The following ADAM12 variants were observed in gnomAD, a reference collection of about 807,000 sequenced individuals.
The protein encoded by ADAM12 is disintegrin and metalloproteinase domain-containing protein 12.
Under a neutral mutation model 106.4 loss-of-function variants are expected in ADAM12, and 70 were observed. The observed-to-expected ratio is 0.66, with a 90% confidence interval of 0.54 to 0.80. The LOEUF (loss-of-function observed/expected upper bound fraction) is 0.80, where lower values mean the gene tolerates loss of function less well. Ranked by LOEUF, ADAM12 falls within the 30% of genes least tolerant of loss-of-function variation. The probability of loss-of-function intolerance (pLI) is 0.00; values close to 1 mark genes in which losing one functional copy is unlikely to be tolerated. For synonymous variants in ADAM12, 420 were observed against 433.5 expected (o/e 0.97, Z 0.39); for missense variants, 1,010 against 1,171.9 (o/e 0.86, Z 2.02).
intron 4 of ADAM12, among the ~76,000 whole-genome samples, chr10:126,149,395 T>C (rs1182613004): frequency 6.6e-6 from 1 of 152,236 alleles, no homozygotes; most frequent in Non-Finnish European, 1.5e-5. Context: ...TTCTTGCTTA[T>C]TGCATTTTTC....
intron 5 of ADAM12, among the ~76,000 whole-genome samples, chr10:126,131,505 C>G (rs953194753): frequency 1.3e-5 from 2 of 152,102 alleles, no homozygotes; most frequent in Admixed American, 1.3e-4. Flanking sequence ...GTGATGGTAT[C>G]GGGAGATGGG....
intron 14 of ADAM12, among the ~76,000 whole-genome samples, chr10:126,060,185 A>C (rs1954722432): frequency 6.6e-6 from 1 of 152,276 alleles, no homozygotes; most frequent in African/African-American, 2.4e-5. Flanking sequence ...TTGCTTTGCC[A>C]GTTAGAAGTT....
At chr10:126,322,399 G>C (rs1446534829) in intron 2 of ADAM12, among the ~76,000 whole-genome samples, 1 of 152,178 alleles carries the variant, frequency 6.6e-6, no homozygotes, top group Admixed American at 6.5e-5. Flanking sequence ...ACCGTGCAGT[G>C]GTTCTCAACC....
chr10:126,224,542 G>C (rs1232666806), intron 3 of ADAM12, among the ~76,000 whole-genome samples: 4 of 152,056 alleles, frequency 2.6e-5, no homozygotes, highest in Non-Finnish European at 5.9e-5. Context: ...CTCTTGGGGA[G>C]GGGCCTGGGG....
intron 3 of ADAM12, among the ~76,000 whole-genome samples, chr10:126,256,475 C>A (rs1958894595): frequency 6.6e-6 from 1 of 152,158 alleles, no homozygotes; most frequent in Non-Finnish European, 1.5e-5. Flanking sequence ...CCCTTCATTC[C>A]CTCTGCATTG....
intron 1 of ADAM12, among the ~76,000 whole-genome samples, chr10:126,375,429 TA>T (rs1301762388): frequency 6.6e-6 from 1 of 151,884 alleles, no homozygotes; most frequent in Non-Finnish European, 1.5e-5. Context: ...TAGACAATAA[TA>T]AAAAAACAGG....
chr10:126,362,974 G>A (rs1340457592), intron 1 of ADAM12, among the ~76,000 whole-genome samples: 2 of 152,104 alleles, frequency 1.3e-5, no homozygotes, highest in Admixed American at 1.3e-4. Flanking sequence ...CATATTTGAG[G>A]TGATGGATAT....
intron 9 of ADAM12, among the ~76,000 whole-genome samples, chr10:126,099,388 C>G (rs1425965830): frequency 6.6e-6 from 1 of 150,612 alleles, no homozygotes; most frequent in Non-Finnish European, 1.5e-5. Flanking sequence ...CTCCCTCCCT[C>G]TCTCCCTCCC....
At chr10:126,301,026 A>C (rs1292156316) in intron 2 of ADAM12, among the ~76,000 whole-genome samples, 2 of 152,206 alleles carry the variant, frequency 1.3e-5, no homozygotes, top group African/African-American at 4.8e-5. Flanking sequence ...CCCCCCAGGG[A>C]ACATGTGGCA....
At position 126,367,086 on chromosome 10, in the gene ADAM12, G is replaced by A. The variant is rs753029899; in HGVS notation, c.88+20972C>T. On this transcript the variant is annotated intron_variant, in intron 1 of 22. Transcript: ENST00000448723. ...CATCAACTAACTATGCTATTTACGG[G>A]ACATTACCCTATCCAACAACAGCAG... Among the ~76,000 whole-genome samples the A allele has an allele frequency of 4.6e-4, 70 of 151,922 alleles. 1 individual carries two copies. The highest frequency in any genetic ancestry group is 9.3e-4 in the Non-Finnish European group (63 of 67,904).
chr10:126,139,830 C>T (rs1288805578), intron 4 of ADAM12, among the ~76,000 whole-genome samples: 1 of 152,206 alleles, frequency 6.6e-6, no homozygotes, highest in Non-Finnish European at 1.5e-5. Flanking sequence ...GCAAACCTCG[C>T]TGCCAGGTCA....
rs1002148136 is a variant in ADAM12 at position 126,043,912 on chromosome 10, A to G, written c.1996-764T>C. 4.7e-4 allele frequency among the ~76,000 whole-genome samples: 71 copies of G among 152,152 alleles called. No homozygotes were observed. Among genetic ancestry groups the G allele is most frequent in the African/African-American group, 1.7e-3 (69 of 41,442 alleles). ...AAAGGGAGACCAAGAAAGCCCGAGG[A>G]GGCTGTGCTTCACCCTTGTTGGGCC... On this transcript the variant is annotated intron_variant, in intron 17 of 22. Transcript: ENST00000448723. The surrounding 1 kb of genome is among the most constrained non-coding windows in gnomAD (Gnocchi z 4.1).
chr10:126,184,136 C>T (rs1280289664), intron 3 of ADAM12, among the ~76,000 whole-genome samples: 1 of 152,168 alleles, frequency 6.6e-6, no homozygotes, highest in Non-Finnish European at 1.5e-5. Flanking sequence ...ATTTCAGCCC[C>T]TTCCAAGAAG....
At chr10:126,353,061 C>T (rs146773710) in intron 1 of ADAM12, among the ~76,000 whole-genome samples, 55 of 152,322 alleles carry the variant, frequency 3.6e-4, no homozygotes, top group African/African-American at 1.2e-3. Flanking sequence ...AACATCCTTC[C>T]TCCCATTCGT....
intron 1 of ADAM12, among the ~76,000 whole-genome samples, chr10:126,386,431 T>C (rs1016550875): frequency 1.3e-5 from 2 of 152,172 alleles, no homozygotes; most frequent in South Asian, 2.1e-4. Context: ...GGGGCACTGA[T>C]TGATTGAAGA....
intron 1 of ADAM12, among the ~76,000 whole-genome samples, chr10:126,347,740 T>C (rs1855201881): frequency 6.6e-6 from 1 of 152,256 alleles, no homozygotes; most frequent in Admixed American, 6.5e-5. Flanking sequence ...GGTTGTTTGC[T>C]CACATTTATT....
At chr10:126,276,996 T>C (rs1232489242) in intron 3 of ADAM12, among the ~76,000 whole-genome samples, 2 of 152,188 alleles carry the variant, frequency 1.3e-5, no homozygotes, top group Admixed American at 1.3e-4. Context: ...TCTAAGAAAT[T>C]ATTTATCTAT....
chr10:126,064,661 A>G lies in ADAM12; in HGVS notation c.1609+145T>C, dbSNP rs1016389215. 1.2e-5 allele frequency: 10 copies of G among 861,440 alleles called. No individual in the cohort carries two copies. Among genetic ancestry groups the G allele is most frequent in the Non-Finnish European group, 1.2e-5 (7 of 570,770 alleles). The allele number at this position is 861,440 out of a possible 1,614,324, so 53.4% of individuals were successfully genotyped here. On this transcript the variant is annotated intron_variant, in intron 14 of 22. Transcript: ENST00000448723. This position sits in a 1 kb window ranked among gnomAD's most constrained non-coding sequence, Gnocchi z 4.4. ...GGCCTCAGACCCTCCCTGGGAGTCA[A>G]TCACTCCCGACTGAACACACCGGAT...
intron 3 of ADAM12, among the ~76,000 whole-genome samples, chr10:126,221,321 C>T (rs1167836836): frequency 2.1e-5 from 3 of 142,248 alleles, no homozygotes; most frequent in East Asian, 2.2e-4. Context: ...GAGGTGGAGG[C>T]GGAGGTTGCA....
Sources: allele counts gnomAD v4.1 joint callset (sites outside exome capture counted in the v4.1 genomes callset), GRCh38; gene constraint gnomAD v4.1.1; non-coding constraint Gnocchi (gnomAD v3.1); transcripts MANE v1.5; gene names NCBI Gene and HGNC (gene_info 2026-07-23, HGNC 2026-07-21).